The following MCF2L2 variants were observed in gnomAD, a reference collection of about 807,000 sequenced individuals.
MCF2L2 encodes the protein probable guanine nucleotide exchange factor MCF2L2.
Under a neutral mutation model 150.2 loss-of-function variants are expected in MCF2L2, and 102 were observed. That is an observed-to-expected ratio of 0.68 (90% CI 0.58 to 0.80). The LOEUF (loss-of-function observed/expected upper bound fraction) is 0.80, where lower values mean the gene tolerates loss of function less well. Ranked by LOEUF, MCF2L2 falls within the 30% of genes least tolerant of loss-of-function variation. The probability of loss-of-function intolerance (pLI) is 0.00; values close to 1 mark genes in which losing one functional copy is unlikely to be tolerated. For missense variants in MCF2L2, 1,256 were observed against 1,372.8 expected (o/e 0.91, Z 1.34); for synonymous variants, 465 against 491.3 (o/e 0.95, Z 0.71).
At chr3:183,350,777 G>C (rs56412364) in intron 3 of MCF2L2, among the ~76,000 whole-genome samples, 1 of 151,872 alleles carries the variant, frequency 6.6e-6, no homozygotes, top group Non-Finnish European at 1.5e-5. Flanking sequence ...GGTGGCGGGC[G>C]CCTGGAGTCC....
intron 14 of MCF2L2, among the ~76,000 whole-genome samples, chr3:183,281,007 C>T (rs573763081): frequency 6.6e-6 from 1 of 152,080 alleles, no homozygotes; most frequent in African/African-American, 2.4e-5. Context: ...TTCAAGGGCC[C>T]GTGCCACCTT....
At position 183,181,012 on chromosome 3, in the gene MCF2L2, C is replaced by T. The variant is rs1448273168; in HGVS notation, c.3017-853G>A. ...CAGAAAGGTCCCAACACAGGACAGC[C>T]CCAGACCGAGGGTCAGCTGAGTAGT... On this transcript the variant is annotated intron_variant, in intron 27 of 29. Transcript: ENST00000328913. This position sits in a 1 kb window ranked among gnomAD's most constrained non-coding sequence, Gnocchi z 4.3. 6.6e-6 allele frequency among the ~76,000 whole-genome samples: 1 copy of T among 152,238 alleles called. No individual in the cohort carries two copies. Among genetic ancestry groups the T allele is most frequent in the Non-Finnish European group, 1.5e-5 (1 of 68,050 alleles).
intron 15 of MCF2L2, among the ~76,000 whole-genome samples, chr3:183,242,206 GC>G (rs561694913): frequency 6.5e-4 from 99 of 152,356 alleles, no homozygotes; most frequent in African/African-American, 2.3e-3. Context: ...AAAATTGGCA[GC>G]CTGATGATGT....
intron 20 of MCF2L2, among the ~76,000 whole-genome samples, chr3:183,220,563 A>G (rs1723112403): frequency 1.3e-5 from 2 of 152,224 alleles, no homozygotes; most frequent in Admixed American, 1.3e-4. Flanking sequence ...CTAAATTCCT[A>G]GAGTGGAATT....
intron 2 of MCF2L2, among the ~76,000 whole-genome samples, chr3:183,383,830 T>C (rs919005485): frequency 1.3e-5 from 2 of 152,250 alleles, no homozygotes; most frequent in Non-Finnish European, 2.9e-5. Context: ...AGTTTTCCCT[T>C]CCTGGGCATA....
Position 183,427,248 on chromosome 3 carries a change from G to A in MCF2L2, c.76+654C>T, listed in dbSNP as rs948213927. ...TGCCCTTACTTAGTCTGTGGGGCCTGACGTTCCATCACAACCCTTATTTCA... is the reference window on the plus strand; with the variant it reads ...TGCCCTTACTTAGTCTGTGGGGCCTAACGTTCCATCACAACCCTTATTTCA... On this transcript the variant is annotated intron_variant, in intron 1 of 29. Coordinates refer to ENST00000328913, the MANE Select transcript of MCF2L2 (RefSeq NM_015078.4). Among the ~76,000 whole-genome samples the A allele has an allele frequency of 2.0e-5, 3 of 152,220 alleles. No individual in the cohort carries two copies. In the South Asian group the frequency reaches 6.2e-4, roughly 32 times the overall value.
At chr3:183,384,222 A>G (rs781154722) in intron 2 of MCF2L2, among the ~76,000 whole-genome samples, 1 of 152,218 alleles carries the variant, frequency 6.6e-6, no homozygotes, top group Non-Finnish European at 1.5e-5. Context: ...CTAACATCCA[A>G]GCTCTCCTTG....
At chr3:183,245,087 C>T (rs775997864) in intron 15 of MCF2L2, among the ~76,000 whole-genome samples, 12 of 152,088 alleles carry the variant, frequency 7.9e-5, no homozygotes, top group Non-Finnish European at 1.8e-4. Context: ...TCTTGGCCCT[C>T]ATGTATCATT....
chr3:183,366,663 T>C (rs2108572294), intron 3 of MCF2L2, among the ~76,000 whole-genome samples: 1 of 152,240 alleles, frequency 6.6e-6, no homozygotes, highest in African/African-American at 2.4e-5. Flanking sequence ...AAAAATTATT[T>C]ACCATACGTG....
chr3:183,322,893 G>A (rs549642968), intron 6 of MCF2L2, among the ~76,000 whole-genome samples: 3 of 152,268 alleles, frequency 2.0e-5, no homozygotes, highest in African/African-American at 4.8e-5. Flanking sequence ...GGGGAGTTCT[G>A]TGGTGTGTTA....
At chr3:183,259,407 A>T (rs946570168) in intron 15 of MCF2L2, among the ~76,000 whole-genome samples, 1 of 152,158 alleles carries the variant, frequency 6.6e-6, no homozygotes, top group Non-Finnish European at 1.5e-5. Flanking sequence ...ACTCTTATTG[A>T]TAGGAGAACT....
intron 3 of MCF2L2, chr3:183,373,011 T>C (rs1285246449): frequency 2.6e-5 from 4 of 152,232 alleles, no homozygotes; most frequent in Non-Finnish European, 5.9e-5. Context: ...TCCATCTCTG[T>C]GGCTCAGAAT....
intron 1 of MCF2L2, among the ~76,000 whole-genome samples, chr3:183,415,727 TC>T (rs776428267): frequency 2.0e-5 from 3 of 152,168 alleles, no homozygotes; most frequent in Non-Finnish European, 4.4e-5. Flanking sequence ...TCTTTTCCCA[TC>T]CTTTTACTTT....
chr3:183,363,761 A>G (rs1712354482), intron 3 of MCF2L2, among the ~76,000 whole-genome samples: 1 of 152,168 alleles, frequency 6.6e-6, no homozygotes, highest in South Asian at 2.1e-4. Context: ...AGGAGATTTT[A>G]ATATACTACT....
intron 15 of MCF2L2, among the ~76,000 whole-genome samples, chr3:183,251,016 G>A (rs1724496228): frequency 6.6e-6 from 1 of 152,166 alleles, no homozygotes; most frequent in Non-Finnish European, 1.5e-5. Flanking sequence ...TATTACTGTG[G>A]GCACAGAGAA....
At chr3:183,212,837 C>T (rs1253168112) in intron 22 of MCF2L2, among the ~76,000 whole-genome samples, 3 of 151,910 alleles carry the variant, frequency 2.0e-5, no homozygotes, top group African/African-American at 7.2e-5. Context: ...ATATAACGTA[C>T]CACTAGGGCT....
At chr3:183,304,947 G>T (rs1463682854) in intron 10 of MCF2L2, among the ~76,000 whole-genome samples, 1 of 152,188 alleles carries the variant, frequency 6.6e-6, no homozygotes, top group East Asian at 1.9e-4. Context: ...CCATAGCCCA[G>T]AATTTATCCC....
chr3:183,242,019 G>C (rs1164267208), intron 15 of MCF2L2, among the ~76,000 whole-genome samples: 1 of 152,140 alleles, frequency 6.6e-6, no homozygotes, highest in African/African-American at 2.4e-5. Flanking sequence ...AGAGATCTGT[G>C]GAAATTTGAA....
chr3:183,426,880 T>C (rs1577148374), intron 1 of MCF2L2, among the ~76,000 whole-genome samples: 2 of 152,248 alleles, frequency 1.3e-5, no homozygotes, highest in African/African-American at 4.8e-5. Flanking sequence ...TTACAAAGTA[T>C]GTCCTCACAA....
Sources: gnomAD v4.1 joint callset for allele counts (sites outside exome capture counted in the v4.1 genomes callset) on GRCh38, gnomAD v4.1.1 for gene constraint, Gnocchi (gnomAD v3.1) non-coding constraint, MANE v1.5 for transcripts, NCBI Gene and HGNC (gene_info 2026-07-23, HGNC 2026-07-21) for gene names.